The following SLC41A2 variants were observed in gnomAD, a reference collection of about 807,000 sequenced individuals.
SLC41A2 encodes SLC41A1-like 1.
Under a neutral mutation model 58.3 loss-of-function variants are expected in SLC41A2, and 32 were observed. That is an observed-to-expected ratio of 0.55 (90% CI 0.41 to 0.74). The LOEUF is 0.74. SLC41A2 is among the 30% of genes least tolerant of loss of function. The pLI, the probability that SLC41A2 is intolerant of heterozygous loss-of-function variation, is 0.00. For missense variants in SLC41A2, 514 were observed against 680.6 expected (o/e 0.76, Z 2.72); for synonymous variants, 190 against 235.0 (o/e 0.81, Z 1.75).
chr12:104,954,995 G>A (rs1292249729), intron 1 of SLC41A2, among the ~76,000 whole-genome samples: 1 of 144,672 alleles, frequency 6.9e-6, no homozygotes, highest in African/African-American at 2.6e-5. Context: ...TTTAGCAACA[G>A]CCCCTGACTC....
intron 8 of SLC41A2, among the ~76,000 whole-genome samples, chr12:104,853,911 A>ATTATTATTATTATTTTTTTTTTT: frequency 2.0e-4 from 12 of 59,494 alleles, no homozygotes; most frequent in South Asian, 5.0e-4. Context: ...TGCCTGGCTG[A>ATTATTATTATTATTTTTTTTTTT]TTTTTTTTTT....
intron 4 of SLC41A2, among the ~76,000 whole-genome samples, chr12:104,894,250 C>A (rs1036943843): frequency 6.6e-5 from 10 of 151,556 alleles, no homozygotes; most frequent in African/African-American, 2.4e-4. Context: ...GCTACTCGGG[C>A]ACTCAGGTGG....
intron 10 of SLC41A2, among the ~76,000 whole-genome samples, chr12:104,806,497 T>C (rs959567942): frequency 1.6e-4 from 25 of 152,298 alleles, no homozygotes; most frequent in African/African-American, 6.0e-4. Context: ...CAAGTCTTTG[T>C]TATTGTGACT....
At chr12:104,926,198 T>C (rs1354068811) in intron 2 of SLC41A2, among the ~76,000 whole-genome samples, 2 of 152,232 alleles carry the variant, frequency 1.3e-5, no homozygotes, top group Non-Finnish European at 2.9e-5. Flanking sequence ...GCAACCTTTC[T>C]ATGACTGATA....
intron 10 of SLC41A2, among the ~76,000 whole-genome samples, chr12:104,820,236 C>A (rs902320737): frequency 1.3e-5 from 2 of 152,238 alleles, no homozygotes; most frequent in Non-Finnish European, 2.9e-5. Context: ...GAGGCCAAGG[C>A]CAGAGAATTG....
intron 10 of SLC41A2, among the ~76,000 whole-genome samples, chr12:104,814,486 A>G (rs1378556353): frequency 6.6e-6 from 1 of 152,118 alleles, no homozygotes; most frequent in Non-Finnish European, 1.5e-5. Flanking sequence ...GAAGAAAACC[A>G]TGTCTTCTTT....
intron 3 of SLC41A2, 138 bp downstream of exon 3, chr12:104,909,517 T>C: frequency 1.7e-6 from 1 of 594,898 alleles, no homozygotes; most frequent in Non-Finnish European, 2.9e-6. Context: ...CAGAATATGA[T>C]ATCAGGCATA....
intron 3 of SLC41A2, among the ~76,000 whole-genome samples, chr12:104,901,307 A>G (rs932652517): frequency 6.6e-6 from 1 of 152,094 alleles, no homozygotes; most frequent in African/African-American, 2.4e-5. Flanking sequence ...AAACTCAACA[A>G]TTTATAGAAT....
intron 6 of SLC41A2, among the ~76,000 whole-genome samples, chr12:104,868,672 T>C (rs2043599367): frequency 3.3e-5 from 5 of 152,198 alleles, no homozygotes; most frequent in Admixed American, 3.3e-4. Flanking sequence ...AGCAGCACTA[T>C]GCATAATGGC....
intron 2 of SLC41A2, among the ~76,000 whole-genome samples, chr12:104,912,579 C>A (rs952744775): frequency 6.6e-6 from 1 of 152,140 alleles, no homozygotes; most frequent in African/African-American, 2.4e-5. Flanking sequence ...CCCCATACCT[C>A]GCCCTACATA....
chr12:104,825,738 A>G (rs1178988545), intron 10 of SLC41A2, among the ~76,000 whole-genome samples: 1 of 152,200 alleles, frequency 6.6e-6, no homozygotes, highest in Non-Finnish European at 1.5e-5. Context: ...CCCTAGAAAG[A>G]AAAACCAGGT....
At chr12:104,919,328 A>G (rs2046480940) in intron 2 of SLC41A2, among the ~76,000 whole-genome samples, 1 of 152,248 alleles carries the variant, frequency 6.6e-6, no homozygotes, top group Admixed American at 6.5e-5. Flanking sequence ...GATTTGTATG[A>G]ACATAAGTCT....
chr12:104,957,872 T>C (rs992337379), intron 1 of SLC41A2, among the ~76,000 whole-genome samples: 1 of 151,478 alleles, frequency 6.6e-6, no homozygotes, highest in African/African-American at 2.4e-5. Flanking sequence ...CAGCCCGAGG[T>C]GGGGCAGGCG....
intron 1 of SLC41A2, among the ~76,000 whole-genome samples, chr12:104,942,606 T>C (rs985790488): frequency 2.6e-5 from 4 of 152,202 alleles, no homozygotes; most frequent in African/African-American, 4.8e-5. Flanking sequence ...ATTACAGCTA[T>C]AGAAGGTCTT....
rs1234312973 is a variant in SLC41A2, at chr12:104,958,236, C to G, written c.-316G>C. 6.6e-6 allele frequency: 1 copy of G among 151,366 alleles called. No individual in the cohort carries two copies. The highest frequency in any genetic ancestry group is 1.5e-5 in the Non-Finnish European group (1 of 67,862). The allele number at this position is 151,366 out of a possible 1,614,324, so 9.4% of individuals were successfully genotyped here. On this transcript the variant is annotated 5_prime_UTR_variant, in exon 1 of 11. Coordinates refer to ENST00000258538, the MANE Select transcript of SLC41A2 (RefSeq NM_001352171.3). Reference sequence around the variant, plus strand: ...GGCGGGGAGGACAGCGGCTCCCAGCCCACAGCTCCTTCCTGCTCCCGCGCC... The same window carrying G: ...GGCGGGGAGGACAGCGGCTCCCAGCGCACAGCTCCTTCCTGCTCCCGCGCC...
At chr12:104,923,204 C>CAAAAAAAAAAAAAA (rs1267157553) in intron 2 of SLC41A2, among the ~76,000 whole-genome samples, 1 of 107,972 alleles carries the variant, frequency 9.3e-6, no homozygotes, top group Non-Finnish European at 2.1e-5. Context: ...CTACTAAAAG[C>CAAAAAAAAAAAAAA]ACAAAAAATT....
intron 3 of SLC41A2, among the ~76,000 whole-genome samples, chr12:104,903,172 G>T (rs1165454094): frequency 6.6e-6 from 1 of 152,058 alleles, no homozygotes; most frequent in Non-Finnish European, 1.5e-5. Flanking sequence ...TTACCATCTT[G>T]AATATTATCT....
At chr12:104,944,408 A>T (rs572674624) in intron 1 of SLC41A2, among the ~76,000 whole-genome samples, 1 of 152,166 alleles carries the variant, frequency 6.6e-6, no homozygotes, top group Non-Finnish European at 1.5e-5. Context: ...CCTTCTCCAA[A>T]CTGCACTTTC....
At position 104,853,911 on chromosome 12, in the gene SLC41A2, A is replaced by ATTATTATTATTATTATTTTTTT; in HGVS notation, c.1255+7379_1255+7380insAAAAAAATAATAATAATAATAA. ...GGGTGCATGTCACCATGCCTGGCTG[A>ATTATTATTATTATTATTTTTTT]TTTTTTTTTTTTTTTTTTTTTTTTT... On this transcript the variant is annotated intron_variant, in intron 8 of 10. Transcript: ENST00000258538. Among the ~76,000 whole-genome samples, 51 of 59,498 alleles carry ATTATTATTATTATTATTTTTTT rather than the reference A, an allele frequency of 8.6e-4. 2 individuals carry two copies. Among genetic ancestry groups the ATTATTATTATTATTATTTTTTT allele is most frequent in the Non-Finnish European group, 1.2e-3 (38 of 31,488 alleles). 39.0% of individuals were successfully genotyped at this position (59,498 alleles called of 152,430 possible). A position where few individuals can be genotyped will look rare whatever the true frequency, so the allele number is the denominator to read the frequency against.
Sources: gnomAD v4.1 joint callset for allele counts (sites outside exome capture counted in the v4.1 genomes callset) on GRCh38, gnomAD v4.1.1 for gene constraint, MANE v1.5 for transcripts, NCBI Gene and HGNC (gene_info 2026-07-23, HGNC 2026-07-21) for gene names.